FAT3: variants seen among roughly 807,000 people sequenced by gnomAD.
FAT3 encodes the protein FAT atypical cadherin 3, also known as protocadherin Fat 3.
A neutral mutation model predicts 310.2 loss-of-function variants in FAT3; 95 were observed. The ratio of observed to expected loss-of-function variants is 0.31; its 90% CI spans 0.26 to 0.36. The LOEUF (loss-of-function observed/expected upper bound fraction) is 0.36, where lower values mean the gene tolerates loss of function less well. Among genes scored for constraint, FAT3 ranks in the 10% least tolerant of loss-of-function variants. The probability of loss-of-function intolerance (pLI) is 1.00; values close to 1 mark genes in which losing one functional copy is unlikely to be tolerated. For missense variants in FAT3, 5,408 were observed against 5,715.6 expected (o/e 0.95, Z 1.74); for synonymous variants, 2,314 against 2,192.9 (o/e 1.06, Z -1.54).
At position 92,352,888 on chromosome 11, in the gene FAT3, T is replaced by G. The variant is rs1948607872; in HGVS notation, c.776T>G (p.Ile259Arg). Residue 259 changes from isoleucine to arginine, a missense_variant, in exon 2 of 28, where the codon ATA (isoleucine) becomes AGA (arginine). Physicochemically the swap from Ile to Arg is moderately conservative, Grantham distance 97 (BLOSUM62 -3). Coordinates refer to ENST00000525166, the MANE Select transcript of FAT3 (RefSeq NM_001367949.2). ...TAKLYVHIER[I>R]NEHAPTIHVV... ...AAGCTTTATGTTCACATTGAGCGCA[T>G]AAATGAACATGCCCCAACAATCCAT... 7.4e-6 allele frequency: 12 copies of G among 1,613,924 alleles called. No homozygotes were observed. In the East Asian group the frequency reaches 2.7e-4, roughly 36 times the overall value.
At chr11:92,301,915 A>G (rs1251690707) in intron 1 of FAT3, among the ~76,000 whole-genome samples, 2 of 152,036 alleles carry the variant, frequency 1.3e-5, no homozygotes, top group Non-Finnish European at 2.9e-5. Flanking sequence ...ATCATTCGGT[A>G]TACAACCTAA....
At chr11:92,608,198 A>G (rs1220495308) in intron 3 of FAT3, among the ~76,000 whole-genome samples, 1 of 152,178 alleles carries the variant, frequency 6.6e-6, no homozygotes, top group Non-Finnish European at 1.5e-5. Flanking sequence ...GTGAACAAGT[A>G]TCAATTCTCT....
chr11:92,774,519 C>A (rs1946546495), intron 7 of FAT3, among the ~76,000 whole-genome samples: 1 of 152,138 alleles, frequency 6.6e-6, no homozygotes, highest in South Asian at 2.1e-4. Context: ...GTTAACACAC[C>A]ATGTTATTCT....
At chr11:92,550,370 T>C (rs775463864) in intron 3 of FAT3, among the ~76,000 whole-genome samples, 1 of 152,204 alleles carries the variant, frequency 6.6e-6, no homozygotes, top group Non-Finnish European at 1.5e-5. Context: ...TGGATAATTA[T>C]TGATATTATT....
chr11:92,649,832 A>T (rs1388071794), intron 3 of FAT3, among the ~76,000 whole-genome samples: 9 of 142,192 alleles, frequency 6.3e-5, no homozygotes, highest in African/African-American at 2.4e-4. Flanking sequence ...ATCTTTTCTT[A>T]TTCTTTAAGC....
intron 6 of FAT3, among the ~76,000 whole-genome samples, chr11:92,769,989 T>C (rs578152421): frequency 4.1e-4 from 62 of 152,296 alleles, no homozygotes; most frequent in African/African-American, 1.3e-3. Flanking sequence ...CACCTCTGGG[T>C]CTTCCCTAAT....
intron 1 of FAT3, among the ~76,000 whole-genome samples, chr11:92,294,661 AT>A (rs1946801399): frequency 2.3e-5 from 2 of 86,160 alleles, no homozygotes; most frequent in South Asian, 6.5e-4. Context: ...ACAGAACCTG[AT>A]TTTGCCTTTT....
At chr11:92,852,605 GAAAGA>G (rs1213841623) in intron 19 of FAT3, among the ~76,000 whole-genome samples, 1 of 152,054 alleles carries the variant, frequency 6.6e-6, no homozygotes, top group African/African-American at 2.4e-5. Flanking sequence ...AAAACAGAAA[GAAAGA>G]AAAGGAACCT....
intron 3 of FAT3, among the ~76,000 whole-genome samples, chr11:92,633,537 G>A (rs893024947): frequency 3.9e-5 from 6 of 152,094 alleles, no homozygotes; most frequent in African/African-American, 1.4e-4. Context: ...TTCATTCTCT[G>A]TGTCCTCAAA....
chr11:92,787,801 C>T (rs1401158878), intron 7 of FAT3, among the ~76,000 whole-genome samples: 33 of 151,640 alleles, frequency 2.2e-4, no homozygotes, highest in Non-Finnish European at 8.8e-5. Context: ...GATTTTTGTG[C>T]ATGTGGTTCA....
At chr11:92,549,788 A>G (rs1205197570) in intron 3 of FAT3, among the ~76,000 whole-genome samples, 1 of 152,232 alleles carries the variant, frequency 6.6e-6, no homozygotes, top group Admixed American at 6.5e-5. Flanking sequence ...ACCCAAGGCC[A>G]GATTCATTGA....
At chr11:92,355,971 A>G (rs111510152) in intron 2 of FAT3, among the ~76,000 whole-genome samples, 74 of 152,276 alleles carry the variant, frequency 4.9e-4, no homozygotes, top group African/African-American at 1.7e-3. Context: ...TGTTTTCTTA[A>G]TGGAATAAAT....
At chr11:92,486,972 A>C (rs1952429707) in intron 2 of FAT3, among the ~76,000 whole-genome samples, 1 of 152,178 alleles carries the variant, frequency 6.6e-6, no homozygotes, top group Non-Finnish European at 1.5e-5. Context: ...ATAAGGGAGA[A>C]AGAGGCATGA....
chr11:92,803,153 T>C lies in FAT3; in HGVS notation c.8896+1244T>C, dbSNP rs574118800. ...GAAAAAAAAAGCTTCTTAGGCATTC[T>C]GAAGGGTCCTTTTCTATTTGGAGAA... On this transcript the variant is annotated intron_variant, in intron 10 of 27. Coordinates refer to ENST00000525166, the MANE Select transcript of FAT3 (RefSeq NM_001367949.2). 3.0e-3 allele frequency among the ~76,000 whole-genome samples: 462 copies of C among 152,300 alleles called. 3 individuals are homozygous for C. Among genetic ancestry groups the C allele is most frequent in the African/African-American group, 0.011 (438 of 41,570 alleles).
chr11:92,268,103 A>G (rs368008231), intron 1 of FAT3, among the ~76,000 whole-genome samples: 2 of 152,242 alleles, frequency 1.3e-5, no homozygotes, highest in East Asian at 3.9e-4. Context: ...GGAGAAAGAA[A>G]ACAAACACTG....
At chr11:92,473,783 G>A (rs906161278) in intron 2 of FAT3, among the ~76,000 whole-genome samples, 1 of 152,192 alleles carries the variant, frequency 6.6e-6, no homozygotes, top group Non-Finnish European at 1.5e-5. Flanking sequence ...GGACTAGCAA[G>A]AAACTCAGAA....
At chr11:92,720,700 C>T (rs1293660677) in intron 4 of FAT3, among the ~76,000 whole-genome samples, 1 of 152,186 alleles carries the variant, frequency 6.6e-6, no homozygotes, top group Non-Finnish European at 1.5e-5. Flanking sequence ...TTTCATGCTG[C>T]AGTTTCTGTA....
intron 3 of FAT3, among the ~76,000 whole-genome samples, chr11:92,655,695 G>A (rs937036652): frequency 1.3e-5 from 2 of 152,106 alleles, no homozygotes; most frequent in African/African-American, 4.8e-5. Flanking sequence ...ACTTCCCAGT[G>A]TGTTTGCCTT....
intron 3 of FAT3, among the ~76,000 whole-genome samples, chr11:92,565,579 A>C (rs1955401265): frequency 6.6e-6 from 1 of 151,810 alleles, no homozygotes; most frequent in African/African-American, 2.4e-5. Flanking sequence ...GCAGAGAAAC[A>C]ACCAAAAAAG....
Sources: gnomAD v4.1 joint callset for allele counts (sites outside exome capture counted in the v4.1 genomes callset) on GRCh38, gnomAD v4.1.1 for gene constraint, MANE v1.5 for transcripts, NCBI Gene and HGNC (gene_info 2026-07-23, HGNC 2026-07-21) for gene names.